RCL1: variants seen among roughly 807,000 people sequenced by gnomAD.
The protein encoded by RCL1 is RNA 3'-terminal phosphate cyclase-like protein.
RCL1 carries 24 observed loss-of-function variants against 42.4 expected under a neutral mutation model. The ratio of observed to expected loss-of-function variants is 0.57; its 90% CI spans 0.41 to 0.80. The LOEUF (loss-of-function observed/expected upper bound fraction) is 0.80, where lower values mean the gene tolerates loss of function less well. Ranked by LOEUF, RCL1 falls within the 30% of genes least tolerant of loss-of-function variation. The pLI, the probability that RCL1 is intolerant of heterozygous loss-of-function variation, is 0.00. For missense variants in RCL1, 578 were observed against 467.9 expected (o/e 1.24, Z -2.17); for synonymous variants, 228 against 177.3 (o/e 1.29, Z -2.27).
chr9:4,805,562 A>G (rs1278549014), intron 1 of RCL1, among the ~76,000 whole-genome samples: 2 of 152,202 alleles, frequency 1.3e-5, no homozygotes, highest in Non-Finnish European at 1.5e-5. Context: ...GAAATAGACA[A>G]TCAGCAGGGT....
At chr9:4,858,498 T>G (rs1818039477) in intron 8 of RCL1, among the ~76,000 whole-genome samples, 1 of 152,262 alleles carries the variant, frequency 6.6e-6, no homozygotes, top group Admixed American at 6.5e-5. Context: ...GTTTTAGCTC[T>G]TACAGCTATG....
intron 7 of RCL1, among the ~76,000 whole-genome samples, chr9:4,846,713 A>T (rs1039357393): frequency 3.9e-5 from 6 of 152,024 alleles, no homozygotes; most frequent in African/African-American, 9.7e-5. Context: ...TGTCTTTCTA[A>T]TAGACCTTGG....
Position 4,844,614 on chromosome 9 carries a change from G to T in RCL1, c.800G>T (p.Gly267Val). ...CTGGCCTCCAACCCCCAGGGCCAGGGAGCAGCAGTACTTCCAGAGGACCTT... is the reference window on the plus strand; with the variant it reads ...CTGGCCTCCAACCCCCAGGGCCAGGTAGCAGCAGTACTTCCAGAGGACCTT... ...AELASNPQGQ[G>V]AAVLPEDLGR... Residue 267 changes from glycine to valine, a missense_variant, in exon 7 of 9, where the codon GGA (glycine) becomes GTA (valine). Transcript: ENST00000381750. 1 of 1,614,068 alleles carries T rather than the reference G, an allele frequency of 6.2e-7. No individual in the cohort carries two copies. The highest frequency in any genetic ancestry group is 8.5e-7 in the Non-Finnish European group (1 of 1,180,002).
chr9:4,849,361 G>A (rs1259257821), intron 7 of RCL1, 86 bp from the exon 8 acceptor site: 1 of 923,474 alleles, frequency 1.1e-6, no homozygotes, highest in African/African-American at 1.7e-5. Context: ...GATATTATGA[G>A]TGTATGTTTC....
Position 4,817,530 on chromosome 9 carries a change from G to A in RCL1, c.137-6018G>A, listed in dbSNP as rs149208162. Among the ~76,000 whole-genome samples, 604 of 150,160 alleles carry A rather than the reference G, an allele frequency of 4.0e-3. 4 individuals are homozygous for A. The highest frequency in any genetic ancestry group is 0.014 in the African/African-American group (571 of 40,734). ...GCTCTGTCATCCAGGCCACAGTGCA[G>A]TGGCTCCATCATGGCTCACTTCAGC... On this transcript the variant is annotated intron_variant, in intron 1 of 8. Transcript: ENST00000381750.
intron 8 of RCL1, among the ~76,000 whole-genome samples, chr9:4,857,563 T>C (rs559559221): frequency 9.2e-5 from 14 of 152,354 alleles, no homozygotes; most frequent in Admixed American, 9.1e-4. Flanking sequence ...AATAATGCCA[T>C]TATGAATATT....
At chr9:4,818,268 C>T (rs1816464505) in intron 1 of RCL1, among the ~76,000 whole-genome samples, 1 of 152,016 alleles carries the variant, frequency 6.6e-6, no homozygotes, top group Non-Finnish European at 1.5e-5. Flanking sequence ...GGTAGAATCT[C>T]ATCTGTTTTG....
intron 1 of RCL1, among the ~76,000 whole-genome samples, chr9:4,817,319 A>G (rs1486357910): frequency 6.6e-6 from 1 of 152,052 alleles, no homozygotes; most frequent in African/African-American, 2.4e-5. Flanking sequence ...CTAATGGAGA[A>G]TCGTTTACCA....
intron 1 of RCL1, among the ~76,000 whole-genome samples, chr9:4,806,046 T>TGTGTGTG (rs1587696264): frequency 2.2e-4 from 16 of 71,290 alleles, no homozygotes; most frequent in Middle Eastern, 7.1e-3. Flanking sequence ...GTGTGTGTGT[T>TGTGTGTG]TGTGTGTGTG....
At chr9:4,820,463 T>A (rs1563838334) in intron 1 of RCL1, among the ~76,000 whole-genome samples, 1 of 152,226 alleles carries the variant, frequency 6.6e-6, no homozygotes, top group Non-Finnish European at 1.5e-5. Flanking sequence ...TGCCTGGAGT[T>A]CTCTTTATGC....
Position 4,851,976 on chromosome 9 carries a change from G to A in RCL1, c.971+2426G>A, listed in dbSNP as rs532552213. Reference sequence around the variant, plus strand: ...GCCCACTGCAAGCTCCGCCTCCCGGGTTCAACGCCATTCTCCTACCTCAGC... The same window carrying A: ...GCCCACTGCAAGCTCCGCCTCCCGGATTCAACGCCATTCTCCTACCTCAGC... On this transcript the variant is annotated intron_variant, in intron 8 of 8. Transcript: ENST00000381750. 2.2e-3 allele frequency among the ~76,000 whole-genome samples: 333 copies of A among 148,976 alleles called. 1 individual carries two copies. Among genetic ancestry groups the A allele is most frequent in the Middle Eastern group, 0.017 (5 of 288 alleles).
At chr9:4,859,611 G>A (rs1818088723) in intron 8 of RCL1, among the ~76,000 whole-genome samples, 1 of 152,124 alleles carries the variant, frequency 6.6e-6, no homozygotes, top group Non-Finnish European at 1.5e-5. Context: ...TGCTTGTTTT[G>A]AATGTCATGG....
chr9:4,807,583 G>T (rs1816021019), intron 1 of RCL1, among the ~76,000 whole-genome samples: 1 of 152,168 alleles, frequency 6.6e-6, no homozygotes, highest in Admixed American at 6.5e-5. Flanking sequence ...GCAATGGCAT[G>T]ATCTCAGCTC....
rs771496802 is a variant in RCL1, at chr9:4,849,533, C to T, written c.954C>T (p.Gly318=). Residue 318 remains glycine (G), a synonymous_variant, in exon 8 of 9, where the codon GGC becomes GGT. Transcript: ENST00000381750. Reference sequence around the variant, plus strand: ...AGGATGTTTCCAAAGTCCTGCTAGGCCCTCTCTCTCCCTACACGTAAGTTA... The same window carrying T: ...AGGATGTTTCCAAAGTCCTGCTAGGTCCTCTCTCTCCCTACACGTAAGTTA... ...GQQDVSKVLL[G]PLSPYTIEFL... 1.2e-6 allele frequency: 2 copies of T among 1,609,846 alleles called. No homozygotes were observed. The highest frequency in any genetic ancestry group is 2.2e-5 in the East Asian group (1 of 44,820).
intron 1 of RCL1, among the ~76,000 whole-genome samples, chr9:4,818,740 C>A (rs1816483070): frequency 6.6e-6 from 1 of 151,992 alleles, no homozygotes; most frequent in South Asian, 2.1e-4. Context: ...GACATGGTGG[C>A]ACGTGCCTGT....
intron 5 of RCL1, among the ~76,000 whole-genome samples, chr9:4,834,798 G>A (rs1048314970): frequency 2.6e-5 from 4 of 152,118 alleles, no homozygotes. Flanking sequence ...CACTTTACAT[G>A]CTTTTAAGCC....
rs375078826 is a variant in RCL1, at chr9:4,844,550, G to A, written c.736G>A (p.Val246Ile). Residue 246 changes from valine to isoleucine, a missense_variant, in exon 7 of 9, where the codon GTT becomes ATT. Physicochemically the swap from Val to Ile is conservative, Grantham distance 29 (BLOSUM62 3). Coordinates refer to ENST00000381750, the MANE Select transcript of RCL1 (RefSeq NM_005772.5). ...GTCTCCGGGCTTTGGGTTGTCACTG[G>A]TTGCTGAGACCACCAGTGGCACCTT... ...GKSPGFGLSL[V>I]AETTSGTFLS... 1.4e-5 allele frequency: 22 copies of A among 1,613,262 alleles called. No homozygotes were observed. Among genetic ancestry groups the A allele is most frequent in the Middle Eastern group, 1.7e-4 (1 of 6,054 alleles).
Position 4,819,572 on chromosome 9 carries a change from G to T in RCL1, c.137-3976G>T, listed in dbSNP as rs558872368. 7.9e-5 allele frequency among the ~76,000 whole-genome samples: 12 copies of T among 152,300 alleles called. 1 individual carries two copies. In the East Asian group the frequency reaches 1.7e-3, roughly 22 times the overall value. On this transcript the variant is annotated intron_variant, in intron 1 of 8. Transcript: ENST00000381750. ...GCCTGTAATCCCAGCACTTTGGGAG[G>T]TCGAGGCGGGGGGATCATGAGGTCA...
intron 1 of RCL1, among the ~76,000 whole-genome samples, chr9:4,821,720 T>A (rs1261864811): frequency 6.6e-6 from 1 of 152,016 alleles, no homozygotes. Flanking sequence ...TCACAGGTGA[T>A]CCTCCCACCT....
Sources: gnomAD v4.1 joint callset for allele counts (sites outside exome capture counted in the v4.1 genomes callset) on GRCh38, gnomAD v4.1.1 for gene constraint, MANE v1.5 for transcripts, NCBI Gene and HGNC (gene_info 2026-07-23, HGNC 2026-07-21) for gene names.